Variants in MAEL observed in about 807,000 individuals in gnomAD.
MAEL encodes protein maelstrom homolog.
In MAEL, 46 loss-of-function variants were observed where a neutral mutation model predicts 62.0. That is an observed-to-expected ratio of 0.74 (90% CI 0.59 to 0.95). The LOEUF (loss-of-function observed/expected upper bound fraction) is 0.95. MAEL is among the 40% of genes least tolerant of loss of function. The pLI, the probability that MAEL is intolerant of heterozygous loss-of-function variation, is 0.00. For synonymous variants in MAEL, 172 were observed against 175.5 expected (o/e 0.98, Z 0.16); for missense variants, 497 against 526.8 (o/e 0.94, Z 0.55).
chr1:166,984,305 G>A (rs1663850328), upstream of MAEL, among the ~76,000 whole-genome samples: 1 of 152,110 alleles, frequency 6.6e-6, no homozygotes, highest in Non-Finnish European at 1.5e-5. Context: ...TCCTGAAGGA[G>A]CCTTCTAACT....
rs531171441 is a variant in MAEL, at chr1:166,989,918, G to A, written c.225+89G>A. ...ATGAGTGAATGAGTGAATGTCAAGG[G>A]TGGACTGCTTTGGGGGTTCGGTTAG... On this transcript the variant is annotated intron_variant, in intron 2 of 11. Transcript: ENST00000367872. 4.1e-5 allele frequency: 43 copies of A among 1,050,060 alleles called. No homozygotes were observed. The African/African-American group carries it at 6.4e-4, about 16-fold the overall frequency. The allele number at this position is 1,050,060 out of a possible 1,614,324, so 65.0% of individuals were successfully genotyped here.
At chr1:167,001,990 A>G (rs578035106) in intron 5 of MAEL, among the ~76,000 whole-genome samples, 1 of 152,304 alleles carries the variant, frequency 6.6e-6, no homozygotes, top group East Asian at 1.9e-4. Context: ...CATGTTGGCC[A>G]GGCCCATCTC....
chr1:167,007,852 G>A (rs1263775256), intron 8 of MAEL, among the ~76,000 whole-genome samples: 4 of 151,326 alleles, frequency 2.6e-5, no homozygotes, highest in Admixed American at 6.6e-5. Context: ...GTTTATAATC[G>A]CTTTTAGTCT....
chr1:166,998,474 T>C (rs1450950407), intron 5 of MAEL, among the ~76,000 whole-genome samples: 1 of 152,216 alleles, frequency 6.6e-6, no homozygotes, highest in Non-Finnish European at 1.5e-5. Flanking sequence ...TTTAGCAGAT[T>C]ACTTAATCAT....
At chr1:167,013,279 C>T (rs980572993) in intron 8 of MAEL, among the ~76,000 whole-genome samples, 1 of 152,134 alleles carries the variant, frequency 6.6e-6, no homozygotes, top group Non-Finnish European at 1.5e-5. Context: ...CCTCACAGCA[C>T]GTAGATGAGA....
At chr1:166,988,951 CA>C (rs1413534908), upstream of MAEL, 1 of 189,522 alleles carries the variant, frequency 5.3e-6, no homozygotes, top group African/African-American at 2.3e-5. Context: ...CAGTGCTTGG[CA>C]TAAAGCTGGC....
At chr1:167,005,969 A>G (rs1198731823) in intron 8 of MAEL, 1 of 152,472 alleles carries the variant, frequency 6.6e-6, no homozygotes, top group East Asian at 1.9e-4. Context: ...GTCTACGGCC[A>G]TAGCACCCTG....
intron 9 of MAEL, among the ~76,000 whole-genome samples, chr1:167,017,303 G>C (rs1665437143): frequency 1.3e-5 from 2 of 152,068 alleles, no homozygotes; most frequent in Admixed American, 6.6e-5. Context: ...AGGTGGTTTT[G>C]TACATCATAT....
At chr1:166,989,068 C>T, upstream of MAEL, 1 of 420,946 alleles carries the variant, frequency 2.4e-6, no homozygotes, top group Non-Finnish European at 4.4e-6. Context: ...TCCAGGCCTC[C>T]CACGTGACAA....
intron 8 of MAEL, among the ~76,000 whole-genome samples, chr1:167,011,138 A>G (rs190942733): frequency 6.6e-6 from 1 of 152,270 alleles, no homozygotes; most frequent in East Asian, 1.9e-4. Context: ...TCCTCATTGT[A>G]AGAATGATTT....
At chr1:167,021,420 T>G (rs1315272527) in intron 11 of MAEL, among the ~76,000 whole-genome samples, 6 of 152,176 alleles carry the variant, frequency 3.9e-5, no homozygotes, top group Non-Finnish European at 2.9e-5. Flanking sequence ...CAGCAATAGC[T>G]TTATAGTTTT....
upstream of MAEL, among the ~76,000 whole-genome samples, chr1:166,988,456 T>A (rs1664000728): frequency 6.6e-6 from 1 of 150,390 alleles, no homozygotes; most frequent in Non-Finnish European, 1.5e-5. Context: ...TTTTAAAACA[T>A]ATACATACCC....
chr1:167,007,886 T>C (rs1664996820), intron 8 of MAEL, among the ~76,000 whole-genome samples: 1 of 152,124 alleles, frequency 6.6e-6, no homozygotes. Flanking sequence ...CAAAATACTT[T>C]GTTCAGAAGT....
Position 166,991,425 on chromosome 1 carries a change from G to A in MAEL, c.273G>A (p.Lys91=). 1 of 1,613,618 alleles carries A rather than the reference G, an allele frequency of 6.2e-7. No individual in the cohort carries two copies. Among genetic ancestry groups the A allele is most frequent in the Non-Finnish European group, 8.5e-7 (1 of 1,179,640 alleles). The stretch of plus-strand genomic sequence containing the variant: ...GGAGGCCAGGCATGCTTGTACCAAA[G>A]CAGAATGTTTCACCTCCAGATATGT... ...PLRRPGMLVP[K]QNVSPPDMSA... is the part of the protein sequence containing the mutation. Residue 91 remains lysine (K), a synonymous_variant, in exon 3 of 12, where the codon AAG becomes AAA. Coordinates refer to ENST00000367872, the MANE Select transcript of MAEL (RefSeq NM_032858.3).
chr1:166,985,325 C>CA (rs200369492), upstream of MAEL, among the ~76,000 whole-genome samples: 18 of 151,462 alleles, frequency 1.2e-4, no homozygotes, highest in South Asian at 4.2e-4. Flanking sequence ...GCACAATCAC[C>CA]AAAAAAAAGG....
Position 166,980,149 on chromosome 1 carries a change from C to T in MAEL, c.-121+4483C>T, listed in dbSNP as rs1445407408. On this transcript the variant is annotated intron_variant, in intron 1 of 12. Coordinates refer to the MAEL transcript ENST00000622874. Reference sequence around the variant, plus strand: ...CCTCCTGCCTCAGCTTCCCAAGTAGCTGGGACTGCAAGTGCATGCCACCAT... The same window carrying T: ...CCTCCTGCCTCAGCTTCCCAAGTAGTTGGGACTGCAAGTGCATGCCACCAT... Among the ~76,000 whole-genome samples the T allele has an allele frequency of 3.3e-5, 5 of 152,208 alleles. No individual in the cohort carries two copies. The East Asian group carries it at 9.7e-4, about 29-fold the overall frequency.
intron 5 of MAEL, among the ~76,000 whole-genome samples, chr1:167,000,901 G>C (rs991561167): frequency 7.2e-5 from 11 of 152,168 alleles, no homozygotes; most frequent in Non-Finnish European, 1.3e-4. Flanking sequence ...CCCACTACTG[G>C]ATATCTACCC....
At chr1:167,019,305 C>T (rs2102133111) in intron 10 of MAEL, among the ~76,000 whole-genome samples, 1 of 152,286 alleles carries the variant, frequency 6.6e-6, no homozygotes, top group African/African-American at 2.4e-5. Flanking sequence ...CCTACCTTAG[C>T]TTCATCACCA....
At chr1:166,979,676 T>C (rs915023056) in intron 1 of MAEL, among the ~76,000 whole-genome samples, 4 of 152,244 alleles carry the variant, frequency 2.6e-5, no homozygotes, top group Non-Finnish European at 5.9e-5. Context: ...AAATTCCATG[T>C]ACTTCCAGCA....
Sources: allele counts gnomAD v4.1 joint callset (sites outside exome capture counted in the v4.1 genomes callset), GRCh38; gene constraint gnomAD v4.1.1; transcripts MANE v1.5; gene names NCBI Gene and HGNC (gene_info 2026-07-23, HGNC 2026-07-21).